RORA: variants seen among roughly 807,000 people sequenced by gnomAD.
RORA encodes the protein nuclear receptor ROR-alpha.
RORA carries 7 observed loss-of-function variants against 69.5 expected under a neutral mutation model. That is an observed-to-expected ratio of 0.10 (90% confidence interval 0.06 to 0.19). The LOEUF (loss-of-function observed/expected upper bound fraction) is 0.19, where lower values mean the gene tolerates loss of function less well. RORA is among the 10% of genes least tolerant of loss of function. The pLI, the probability that RORA is intolerant of heterozygous loss-of-function variation, is 1.00. For synonymous variants in RORA, 261 were observed against 240.8 expected (o/e 1.08, Z -0.78); for missense variants, 457 against 663.0 (o/e 0.69, Z 3.41).
Position 61,098,054 on chromosome 15 carries a change from C to T in RORA, c.166+130999G>A, listed in dbSNP as rs112245601. ...CCTTCCATCTTTCCTTCCTTCCTTC[C>T]TTCCTTAATCCTTCCTTCCTTCCCT... On this transcript the variant is annotated intron_variant, in intron 1 of 10. Transcript: ENST00000335670. Among the ~76,000 whole-genome samples, 447 of 151,624 alleles carry T rather than the reference C, an allele frequency of 2.9e-3. 1 individual carries two copies. Among genetic ancestry groups the T allele is most frequent in the Non-Finnish European group, 4.8e-3 (327 of 67,858 alleles).
chr15:60,938,095 A>G (rs1177536403), intron 1 of RORA, among the ~76,000 whole-genome samples: 3 of 152,162 alleles, frequency 2.0e-5, no homozygotes, highest in African/African-American at 7.2e-5. Flanking sequence ...GCTTGTGTAC[A>G]CAAGCTAATG....
intron 1 of RORA, among the ~76,000 whole-genome samples, chr15:60,953,991 A>G (rs1424490595): frequency 6.6e-6 from 1 of 151,920 alleles, no homozygotes; most frequent in Non-Finnish European, 1.5e-5. Context: ...ACACATGCAC[A>G]CGTCTGTTTA....
intron 1 of RORA, among the ~76,000 whole-genome samples, chr15:61,014,745 A>T (rs1430527044): frequency 6.6e-6 from 1 of 152,146 alleles, no homozygotes; most frequent in Non-Finnish European, 1.5e-5. Flanking sequence ...TTTTCCTATC[A>T]ATTTTTCACT....
intron 1 of RORA, among the ~76,000 whole-genome samples, chr15:60,777,517 T>C (rs1372817214): frequency 6.6e-6 from 1 of 152,222 alleles, no homozygotes; most frequent in Non-Finnish European, 1.5e-5. Context: ...TAATCTTACC[T>C]AGTCCCACCT....
intron 5 of RORA, among the ~76,000 whole-genome samples, chr15:60,508,317 A>C (rs78280589): frequency 6.6e-6 from 1 of 152,212 alleles, no homozygotes; most frequent in South Asian, 2.1e-4. Flanking sequence ...CAGCGCCTCG[A>C]TACTTCAGAT....
chr15:60,926,546 G>T (rs1892224547), intron 1 of RORA, among the ~76,000 whole-genome samples: 1 of 152,200 alleles, frequency 6.6e-6, no homozygotes, highest in Admixed American at 6.5e-5. Flanking sequence ...CTCAGAGAGG[G>T]TATTTGGCTA....
At chr15:60,582,553 G>T (rs1321889344) in intron 2 of RORA, among the ~76,000 whole-genome samples, 1 of 152,160 alleles carries the variant, frequency 6.6e-6, no homozygotes, top group Non-Finnish European at 1.5e-5. Flanking sequence ...ATGTAGGGGG[G>T]TTTCCACTAC....
Position 61,002,913 on chromosome 15 carries a change from C to T in RORA, c.166+226140G>A, listed in dbSNP as rs572187994. Among the ~76,000 whole-genome samples, 9 of 149,144 alleles carry T rather than the reference C, an allele frequency of 6.0e-5. 1 individual carries two copies. The highest frequency in any genetic ancestry group is 9.9e-5 in the African/African-American group (4 of 40,236). The stretch of plus-strand genomic sequence containing the variant: ...TTGGGAAGAAGAGGCGGGCAGATTA[C>T]GAGGTCAGGAGTTCGAGACCATCTT... On this transcript the variant is annotated intron_variant, in intron 1 of 10. Transcript: ENST00000335670.
chr15:61,141,490 C>G (rs918906083), intron 1 of RORA, among the ~76,000 whole-genome samples: 28 of 152,276 alleles, frequency 1.8e-4, no homozygotes, highest in African/African-American at 6.5e-4. Flanking sequence ...TTTAATCCCA[C>G]TGACCAGCAT....
intron 2 of RORA, among the ~76,000 whole-genome samples, chr15:60,620,953 G>C (rs896439831): frequency 5.3e-5 from 8 of 152,232 alleles, no homozygotes; most frequent in Non-Finnish European, 7.3e-5. Flanking sequence ...GCAATCCCGG[G>C]CTGCGTTTCT....
Position 60,525,100 on chromosome 15 carries a change from G to A in RORA, c.282+6666C>T, listed in dbSNP as rs74017208. On this transcript the variant is annotated intron_variant, in intron 3 of 10. Coordinates refer to ENST00000335670, the MANE Select transcript of RORA (RefSeq NM_134261.3). ...GATGAACAAACAACAAAACAAACAC[G>A]CAAAAAAACACTTTTCAATTTCTGT... Among the ~76,000 whole-genome samples the A allele has an allele frequency of 5.3e-5, 8 of 151,880 alleles. No homozygotes were observed. The South Asian group carries it at 6.2e-4, about 12-fold the overall frequency.
At chr15:60,779,754 T>C (rs73428319) in intron 1 of RORA, among the ~76,000 whole-genome samples, 96 of 152,310 alleles carry the variant, frequency 6.3e-4, no homozygotes, top group African/African-American at 2.3e-3. Context: ...TTAACATGGT[T>C]CTACATTTCC....
chr15:60,804,291 A>G (rs1170039804), intron 1 of RORA, among the ~76,000 whole-genome samples: 1 of 148,820 alleles, frequency 6.7e-6, no homozygotes, highest in Non-Finnish European at 1.5e-5. Flanking sequence ...CCATCTCAAA[A>G]AAAAAAAAAA....
chr15:61,178,443 G>A (rs2079651495), intron 1 of RORA, among the ~76,000 whole-genome samples: 1 of 151,784 alleles, frequency 6.6e-6, no homozygotes, highest in Non-Finnish European at 1.5e-5. Context: ...AATATAATCT[G>A]AAAGTGCTCA....
chr15:61,064,982 C>T (rs1236193332), intron 1 of RORA, among the ~76,000 whole-genome samples: 1 of 152,168 alleles, frequency 6.6e-6, no homozygotes, highest in Non-Finnish European at 1.5e-5. Flanking sequence ...CTAAGTGTTC[C>T]CAGTACATCA....
At chr15:60,624,065 A>G (rs2140632295) in intron 2 of RORA, among the ~76,000 whole-genome samples, 1 of 152,202 alleles carries the variant, frequency 6.6e-6, no homozygotes, top group African/African-American at 2.4e-5. Context: ...TGGTGGGGTG[A>G]CTGCAGAAAT....
chr15:60,508,673 G>T (rs565386689), intron 5 of RORA, among the ~76,000 whole-genome samples: 16 of 152,258 alleles, frequency 1.1e-4, no homozygotes, highest in Admixed American at 9.2e-4. Context: ...TATATTCTAG[G>T]AGTAGAGAAA....
At chr15:61,217,678 G>A (rs1426601887) in intron 1 of RORA, among the ~76,000 whole-genome samples, 1 of 152,088 alleles carries the variant, frequency 6.6e-6, no homozygotes, top group African/African-American at 2.4e-5. Flanking sequence ...CCAGGCCCTA[G>A]CACATAGAAA....
rs1038394929 is a variant in RORA, at chr15:60,511,927, C to G, written c.425-306G>C. ...TCACATCCCCCGTTTCCACTGCGCCCCACTGATAACTTAATGGGCTTGTTC... is the reference window on the plus strand; with the variant it reads ...TCACATCCCCCGTTTCCACTGCGCCGCACTGATAACTTAATGGGCTTGTTC... On this transcript the variant is annotated intron_variant, in intron 4 of 10. Transcript: ENST00000335670. This position sits in a 1 kb window ranked among gnomAD's most constrained non-coding sequence, Gnocchi z 6.4. 1 of 310,240 alleles carries G rather than the reference C, an allele frequency of 3.2e-6. No homozygotes were observed. 19.2% of individuals were successfully genotyped at this position (310,240 alleles called of 1,614,324 possible).
Sources: allele counts gnomAD v4.1 joint callset (sites outside exome capture counted in the v4.1 genomes callset), GRCh38; gene constraint gnomAD v4.1.1; non-coding constraint Gnocchi (gnomAD v3.1); transcripts MANE v1.5; gene names NCBI Gene and HGNC (gene_info 2026-07-23, HGNC 2026-07-21).